Variants in ATRNL1 observed in about 807,000 individuals in gnomAD.
ATRNL1 encodes the protein attractin-like protein 1.
ATRNL1 carries 95 observed loss-of-function variants against 182.7 expected under a neutral mutation model. That is an observed-to-expected ratio of 0.52 (90% CI 0.44 to 0.62). The LOEUF (loss-of-function observed/expected upper bound fraction) is 0.62, where lower values mean the gene tolerates loss of function less well. Ranked by LOEUF, ATRNL1 falls within the 20% of genes least tolerant of loss-of-function variation. ATRNL1 has a pLI of 0.00. For synonymous variants in ATRNL1, 576 were observed against 568.3 expected (o/e 1.01, Z -0.19); for missense variants, 1,471 against 1,679.5 (o/e 0.88, Z 2.17).
At chr10:115,342,221 C>T (rs1855785006) in intron 19 of ATRNL1, among the ~76,000 whole-genome samples, 2 of 151,912 alleles carry the variant, frequency 1.3e-5, no homozygotes, top group Non-Finnish European at 2.9e-5. Flanking sequence ...ATTATTTAAG[C>T]TGATAACAAC....
intron 25 of ATRNL1, among the ~76,000 whole-genome samples, chr10:115,541,544 C>G (rs782729788): frequency 1.2e-4 from 19 of 152,140 alleles, no homozygotes; most frequent in Admixed American, 2.0e-4. Context: ...TCCAAGTCAT[C>G]AAAGTCATGT....
intron 17 of ATRNL1, among the ~76,000 whole-genome samples, chr10:115,303,221 G>T (rs893460906): frequency 9.3e-6 from 1 of 107,024 alleles, no homozygotes; most frequent in Non-Finnish European, 1.7e-5. Context: ...TGGTATGCAG[G>T]TTTTTTTTTT....
intron 18 of ATRNL1, among the ~76,000 whole-genome samples, chr10:115,330,672 CT>C (rs200104323): frequency 0.24 from 24,583 of 101,208 alleles, 2,652 homozygotes; most frequent in East Asian, 0.55. Flanking sequence ...GTGTTATTTG[CT>C]TTTTTTTTTT....
At chr10:115,553,308 G>C (rs747466953) in intron 26 of ATRNL1, among the ~76,000 whole-genome samples, 1 of 151,022 alleles carries the variant, frequency 6.6e-6, no homozygotes, top group Non-Finnish European at 1.5e-5. Context: ...GCAAAGGAAG[G>C]GTTATTTTTA....
chr10:115,301,419 G>C (rs778045202), intron 16 of ATRNL1, among the ~76,000 whole-genome samples: 1 of 151,982 alleles, frequency 6.6e-6, no homozygotes, highest in Non-Finnish European at 1.5e-5. Flanking sequence ...ATTGTATCTT[G>C]TGTAATATTT....
chr10:115,642,440 C>CTTTTTTTTTTTTTTTTT (rs71303504), intron 26 of ATRNL1, among the ~76,000 whole-genome samples: 2 of 148,818 alleles, frequency 1.3e-5, no homozygotes, highest in Non-Finnish European at 1.5e-5. Context: ...AATTCTAGTG[C>CTTTTTTTTTTTTTTTTT]TTTTTTTTTT....
chr10:115,688,532 T>A (rs1946291358), intron 26 of ATRNL1, among the ~76,000 whole-genome samples: 1 of 152,170 alleles, frequency 6.6e-6, no homozygotes. Flanking sequence ...TATCTGATTG[T>A]GGTTTTGATT....
intron 8 of ATRNL1, among the ~76,000 whole-genome samples, chr10:115,212,578 C>T (rs1301834142): frequency 6.6e-6 from 1 of 151,960 alleles, no homozygotes; most frequent in Non-Finnish European, 1.5e-5. Flanking sequence ...GCACTATTCA[C>T]AATAGCAAAG....
intron 26 of ATRNL1, among the ~76,000 whole-genome samples, chr10:115,712,241 A>T (rs140267745): frequency 1.6e-3 from 245 of 152,228 alleles, no homozygotes; most frequent in African/African-American, 5.5e-3. Context: ...TACATGGAAA[A>T]TTTTCAGAGC....
chr10:115,316,066 G>C (rs1414797259), intron 18 of ATRNL1, among the ~76,000 whole-genome samples: 7 of 152,078 alleles, frequency 4.6e-5, no homozygotes, highest in African/African-American at 1.7e-4. Flanking sequence ...CAACATGGTG[G>C]TTTGCTGCTC....
chr10:115,780,348 T>A (rs376543661), intron 27 of ATRNL1, among the ~76,000 whole-genome samples: 4 of 152,212 alleles, frequency 2.6e-5, no homozygotes, highest in African/African-American at 9.6e-5. Flanking sequence ...GCTAAAGTGC[T>A]CTGGGGTTCT....
chr10:115,776,755 A>C (rs1949137043), intron 27 of ATRNL1, among the ~76,000 whole-genome samples: 1 of 152,164 alleles, frequency 6.6e-6, no homozygotes, highest in African/African-American at 2.4e-5. Context: ...CTTGGCAAAG[A>C]TCTTGAGAGA....
At chr10:115,517,518 C>T (rs1040118021) in intron 24 of ATRNL1, among the ~76,000 whole-genome samples, 5 of 151,818 alleles carry the variant, frequency 3.3e-5, no homozygotes, top group African/African-American at 1.2e-4. Context: ...ACTGCAATTG[C>T]ACTGTATCTT....
At chr10:115,927,171 A>T (rs972335363) in intron 28 of ATRNL1, among the ~76,000 whole-genome samples, 3 of 152,158 alleles carry the variant, frequency 2.0e-5, no homozygotes, top group Admixed American at 6.6e-5. Flanking sequence ...AAACCACATG[A>T]TTATCTCAAT....
chr10:115,112,857 C>T (rs76059950), intron 1 of ATRNL1, among the ~76,000 whole-genome samples: 3,797 of 152,248 alleles, frequency 0.025, 160 homozygotes, highest in African/African-American at 0.086. Context: ...ATTAATTCAA[C>T]TTACTCAATT....
intron 27 of ATRNL1, among the ~76,000 whole-genome samples, chr10:115,730,245 G>A (rs1302691646): frequency 1.0e-5 from 1 of 96,066 alleles, no homozygotes; most frequent in Admixed American, 1.7e-4. Flanking sequence ...CAACAGAGTA[G>A]GACTCCTCAA....
At chr10:115,266,736 A>C (rs1851623932) in intron 11 of ATRNL1, 61 bp from the exon 12 acceptor site, 1 of 945,204 alleles carries the variant, frequency 1.1e-6, no homozygotes, top group Admixed American at 2.3e-5. Flanking sequence ...TTTTATAACT[A>C]AATCAGTAGA....
At chr10:115,190,041 G>T (rs897854470) in intron 8 of ATRNL1, among the ~76,000 whole-genome samples, 2 of 151,986 alleles carry the variant, frequency 1.3e-5, no homozygotes, top group Non-Finnish European at 2.9e-5. Flanking sequence ...CGGGTTTTTC[G>T]TTCAGGAGCA....
rs375466018 is a variant in ATRNL1, at chr10:115,610,327, C to T, written c.3795+60791C>T. ...TAGCAAATAGAGGAAATTTAATAAA[C>T]GAATGAAAGCAATTGATTTCTTTGA... On this transcript the variant is annotated intron_variant, in intron 26 of 28. Transcript: ENST00000355044. Among the ~76,000 whole-genome samples the T allele has an allele frequency of 9.2e-5, 14 of 152,160 alleles. No individual in the cohort carries two copies. The East Asian group carries it at 1.7e-3, about 19-fold the overall frequency.
Sources: gnomAD v4.1 joint callset for allele counts (sites outside exome capture counted in the v4.1 genomes callset) on GRCh38, gnomAD v4.1.1 for gene constraint, MANE v1.5 for transcripts, NCBI Gene and HGNC (gene_info 2026-07-23, HGNC 2026-07-21) for gene names.